The following HIVEP3 variants were observed in gnomAD, a reference collection of about 807,000 sequenced individuals.
HIVEP3 encodes HIVEP zinc finger 3.
HIVEP3 carries 49 observed loss-of-function variants against 152.8 expected under a neutral mutation model. The ratio of observed to expected loss-of-function variants is 0.32; its 90% CI spans 0.26 to 0.41. HIVEP3 has a LOEUF of 0.41. Ranked by LOEUF, HIVEP3 falls within the 10% of genes least tolerant of loss-of-function variation. The pLI is 1.00. For synonymous variants in HIVEP3, 1,269 were observed against 1,289.0 expected, an observed-to-expected ratio of 0.98 and a Z score of 0.33; for missense variants, 2,790 against 3,103.3, an observed-to-expected ratio of 0.90 and a Z score of 2.40.
At chr1:41,531,160 G>A (rs879808260) in intron 5 of HIVEP3, among the ~76,000 whole-genome samples, 17 of 150,970 alleles carry the variant, frequency 1.1e-4, no homozygotes, top group Non-Finnish European at 2.4e-4. Context: ...AGGAGAGAAG[G>A]GAGGACAGGA....
intron 1 of HIVEP3, among the ~76,000 whole-genome samples, chr1:41,773,466 G>A (rs1230092088): frequency 6.6e-6 from 1 of 151,966 alleles, no homozygotes; most frequent in African/African-American, 2.4e-5. Context: ...CCACCGCTCT[G>A]AGCATCCTCA....
intron 1 of HIVEP3, among the ~76,000 whole-genome samples, chr1:41,895,412 G>T (rs567380354): frequency 6.6e-6 from 1 of 152,078 alleles, no homozygotes; most frequent in Non-Finnish European, 1.5e-5. Flanking sequence ...GATCCAGGGG[G>T]TCCAATGTTC....
At chr1:41,654,511 G>A (rs1040160161) in intron 2 of HIVEP3, among the ~76,000 whole-genome samples, 1 of 152,152 alleles carries the variant, frequency 6.6e-6, no homozygotes, top group African/African-American at 2.4e-5. Flanking sequence ...CAGAAAAGTT[G>A]CAAAGATAGA....
chr1:41,663,443 AT>A (rs1645749791), intron 2 of HIVEP3, among the ~76,000 whole-genome samples: 1 of 152,238 alleles, frequency 6.6e-6, no homozygotes, highest in Non-Finnish European at 1.5e-5. Flanking sequence ...ACTAAGCACT[AT>A]GCTGACCCAA....
chr1:41,811,130 G>A (rs1378372653), intron 1 of HIVEP3, among the ~76,000 whole-genome samples: 2 of 149,388 alleles, frequency 1.3e-5, no homozygotes, highest in Non-Finnish European at 3.0e-5. Flanking sequence ...TGCAGGGTTT[G>A]TGTCACCTGG....
In HIVEP3 at chr1:41,873,650, G is replaced by T. The variant is rs952099588; in HGVS notation, c.-801+44763C>A. On this transcript the variant is annotated intron_variant, in intron 1 of 8. Transcript: ENST00000372583. The surrounding 1 kb of genome is among the most constrained non-coding windows in gnomAD (Gnocchi z 4.2). ...TGTTTTTCACACTGGCTTTATCTTG[G>T]TTTCTGAGGGAGAATCAATTCTCTT... Among the ~76,000 whole-genome samples the T allele has an allele frequency of 6.6e-6, 1 of 152,146 alleles. No homozygotes were observed. Among genetic ancestry groups the T allele is most frequent in the African/African-American group, 2.4e-5 (1 of 41,426 alleles).
At chr1:41,779,761 T>C (rs1648928155) in intron 1 of HIVEP3, among the ~76,000 whole-genome samples, 1 of 152,114 alleles carries the variant, frequency 6.6e-6, no homozygotes, top group South Asian at 2.1e-4. Flanking sequence ...CCTCCCAAAG[T>C]GCTGGGATTA....
chr1:41,513,572 C>T lies in HIVEP3; in HGVS notation c.5649G>A (p.Pro1883=), dbSNP rs150644975. ...CCCGCAGTGCATGTGGTGGGCCAGG[C>T]GGGGGCGCCTCTGAGGATGGTCTGG... ...ELSRPSSEAP[P]PGPPHALRAD... Residue 1883 remains proline, a synonymous_variant, in exon 8 of 9, where the codon CCG becomes CCA. Transcript: ENST00000372583. 6,594 of 1,612,506 alleles carry T rather than the reference C, an allele frequency of 4.1e-3. 15 individuals are homozygous for T. The highest frequency in any genetic ancestry group is 5.1e-3 in the Non-Finnish European group (5,985 of 1,179,538).
At position 41,533,121 on chromosome 1, in the gene HIVEP3, C is replaced by T. The variant is rs996315323; in HGVS notation, c.5208-8211G>A. ...TTGAAAGAGGGCAGTCCTGGTTCAA[C>T]GACCTGGAACCTGTGGCTCCTCTGC... On this transcript the variant is annotated intron_variant, in intron 5 of 8. Transcript: ENST00000372583. This position sits in a 1 kb window ranked among gnomAD's most constrained non-coding sequence, Gnocchi z 4.3. 6.6e-6 allele frequency among the ~76,000 whole-genome samples: 1 copy of T among 152,152 alleles called. No individual in the cohort carries two copies. Among genetic ancestry groups the T allele is most frequent in the Non-Finnish European group, 1.5e-5 (1 of 68,022 alleles).
chr1:41,896,941 G>T (rs1644538050), intron 1 of HIVEP3, among the ~76,000 whole-genome samples: 1 of 152,178 alleles, frequency 6.6e-6, no homozygotes, highest in African/African-American at 2.4e-5. Context: ...TCTTTGGAAA[G>T]AAGTGGTCCC....
intron 5 of HIVEP3, among the ~76,000 whole-genome samples, chr1:41,559,991 C>T (rs959716743): frequency 7.2e-5 from 11 of 152,170 alleles, no homozygotes; most frequent in Non-Finnish European, 1.3e-4. Context: ...GCTCAGGCAG[C>T]CACTCAGAGA....
intron 1 of HIVEP3, among the ~76,000 whole-genome samples, chr1:41,911,157 G>A (rs1325737873): frequency 6.6e-6 from 1 of 151,982 alleles, no homozygotes. Context: ...AAATAAATAA[G>A]AGAGATGTAA....
intron 1 of HIVEP3, among the ~76,000 whole-genome samples, chr1:41,748,791 C>T (rs970816275): frequency 1.3e-5 from 2 of 152,200 alleles, no homozygotes; most frequent in South Asian, 2.1e-4. Context: ...GACCCCCTGC[C>T]GCCCACCAGC....
chr1:41,814,829 C>T (rs1651169065), intron 1 of HIVEP3, among the ~76,000 whole-genome samples: 1 of 152,172 alleles, frequency 6.6e-6, no homozygotes. Flanking sequence ...GAAAGCATTC[C>T]TTTCAGTGAA....
chr1:41,837,867 G>A (rs1643171486), intron 1 of HIVEP3, among the ~76,000 whole-genome samples: 1 of 152,138 alleles, frequency 6.6e-6, no homozygotes, highest in Admixed American at 6.5e-5. Context: ...GGGGATTCTG[G>A]CCATCTCTGT....
At chr1:41,516,633 C>A (rs890448549) in intron 7 of HIVEP3, among the ~76,000 whole-genome samples, 1 of 152,214 alleles carries the variant, frequency 6.6e-6, no homozygotes, top group African/African-American at 2.4e-5. Flanking sequence ...CCTCTCTCCT[C>A]CGCTCCAGGG....
chr1:41,911,785 T>C (rs1261837308), intron 1 of HIVEP3, among the ~76,000 whole-genome samples: 1 of 152,114 alleles, frequency 6.6e-6, no homozygotes, highest in Non-Finnish European at 1.5e-5. Flanking sequence ...AACCAGTTGG[T>C]ACAGAGTCCA....
chr1:41,816,727 A>G (rs1651291017), intron 1 of HIVEP3, among the ~76,000 whole-genome samples: 1 of 152,188 alleles, frequency 6.6e-6, no homozygotes, highest in African/African-American at 2.4e-5. Flanking sequence ...CTATTCTTAC[A>G]GCATTTGTTG....
intron 1 of HIVEP3, among the ~76,000 whole-genome samples, chr1:41,846,160 T>A (rs1411256368): frequency 1.3e-5 from 2 of 152,192 alleles, no homozygotes; most frequent in African/African-American, 4.8e-5. Flanking sequence ...AATACAAATT[T>A]TTCAGGGTGA....
Sources: gnomAD v4.1 joint callset for allele counts (sites outside exome capture counted in the v4.1 genomes callset) on GRCh38, gnomAD v4.1.1 for gene constraint, Gnocchi (gnomAD v3.1) non-coding constraint, MANE v1.5 for transcripts, NCBI Gene and HGNC (gene_info 2026-07-23, HGNC 2026-07-21) for gene names.